The following OXR1 variants were observed in gnomAD, a reference collection of about 807,000 sequenced individuals.
OXR1 encodes oxidation resistance 1.
A neutral mutation model predicts 104.6 loss-of-function variants in OXR1; 41 were observed. The ratio of observed to expected loss-of-function variants is 0.39; its 90% CI spans 0.31 to 0.51. The LOEUF (loss-of-function observed/expected upper bound fraction) is 0.51. Among genes scored for constraint, OXR1 ranks in the 20% least tolerant of loss-of-function variants. The pLI is 0.77. For synonymous variants in OXR1, 348 were observed against 348.4 expected, an observed-to-expected ratio of 1.00 and a Z score of 0.01; for missense variants, 955 against 1,031.9, an observed-to-expected ratio of 0.93 and a Z score of 1.02.
intron 3 of OXR1, among the ~76,000 whole-genome samples, chr8:106,638,909 A>AC (rs1392633129): frequency 1.1e-3 from 130 of 113,330 alleles, no homozygotes; most frequent in African/African-American, 5.3e-3. Flanking sequence ...AAAAAAAAAA[A>AC]CCTATAAAAC....
intron 2 of OXR1, chr8:106,448,163 C>A (rs1820106197): frequency 1.6e-6 from 2 of 1,274,010 alleles, no homozygotes; most frequent in African/African-American, 3.0e-5. Context: ...GAAATCAAAT[C>A]TTTGTGTTTA....
intron 6 of OXR1, among the ~76,000 whole-genome samples, chr8:106,691,679 G>A (rs542067421): frequency 1.3e-5 from 2 of 148,778 alleles, no homozygotes; most frequent in Non-Finnish European, 3.0e-5. Flanking sequence ...TGACTAATGC[G>A]GTTAACTCAG....
At chr8:106,673,973 T>C (rs560418970) in intron 3 of OXR1, among the ~76,000 whole-genome samples, 1 of 152,346 alleles carries the variant, frequency 6.6e-6, no homozygotes, top group East Asian at 1.9e-4. Flanking sequence ...TGGAGCCCTC[T>C]TGGAGAACCT....
rs181923435 is a variant in OXR1 at position 106,289,333 on chromosome 8, A to G, written c.-139+18966A>G. Among the ~76,000 whole-genome samples, 4 of 152,354 alleles carry G rather than the reference A, an allele frequency of 2.6e-5. No homozygotes were observed. The East Asian group carries it at 5.8e-4, about 22-fold the overall frequency. On this transcript the variant is annotated intron_variant, in intron 1 of 16. Coordinates refer to ENST00000517566, the MANE Select transcript of OXR1 (RefSeq NM_001198533.2). The stretch of plus-strand genomic sequence containing the variant: ...AATAAGTTTTCAGTATACAAAATCA[A>G]TGTATAAAAATCAGTAACATTTGTA...
At chr8:106,410,723 C>A (rs965868788) in intron 2 of OXR1, among the ~76,000 whole-genome samples, 1 of 152,012 alleles carries the variant, frequency 6.6e-6, no homozygotes, top group Non-Finnish European at 1.5e-5. Context: ...GGTTGACTTA[C>A]TGGTATAAGA....
At chr8:106,706,209 G>T (rs189302912) in intron 8 of OXR1, among the ~76,000 whole-genome samples, 173 bp from the exon 9 acceptor site, 262 of 152,158 alleles carry the variant, frequency 1.7e-3, no homozygotes, top group African/African-American at 6.2e-3. Flanking sequence ...GGTCTATAAG[G>T]TTAATTATTT....
intron 1 of OXR1, among the ~76,000 whole-genome samples, chr8:106,325,077 C>T (rs1814411963): frequency 6.6e-6 from 1 of 152,132 alleles, no homozygotes; most frequent in African/African-American, 2.4e-5. Flanking sequence ...AAGTGGATAG[C>T]AGGACCTTTA....
intron 9 of OXR1, 43 bp from the exon 10 acceptor site, chr8:106,710,579 G>A (rs751297203): frequency 7.5e-7 from 1 of 1,329,260 alleles, no homozygotes; most frequent in Non-Finnish European, 1.0e-6. Flanking sequence ...CCTAAACTTG[G>A]TGTGTGAGAA....
chr8:106,398,952 C>T (rs1172890156), intron 2 of OXR1, among the ~76,000 whole-genome samples: 2 of 152,028 alleles, frequency 1.3e-5, no homozygotes, highest in African/African-American at 4.8e-5. Flanking sequence ...TCTCATCTTC[C>T]CTAAAATTTC....
At chr8:106,323,235 A>C (rs1231883027) in intron 1 of OXR1, among the ~76,000 whole-genome samples, 1 of 152,190 alleles carries the variant, frequency 6.6e-6, no homozygotes. Flanking sequence ...AAGTCTGCAC[A>C]TCTACGACCA....
chr8:106,308,324 G>A (rs1222332613), intron 1 of OXR1, among the ~76,000 whole-genome samples: 1 of 152,132 alleles, frequency 6.6e-6, no homozygotes, highest in Non-Finnish European at 1.5e-5. Context: ...TGATTGGAGG[G>A]TGACTGCGCA....
At chr8:106,399,951 A>T (rs901899446) in intron 2 of OXR1, among the ~76,000 whole-genome samples, 8 of 152,162 alleles carry the variant, frequency 5.3e-5, no homozygotes, top group African/African-American at 1.7e-4. Context: ...CTGATTAATT[A>T]AAGAAAACTT....
At chr8:106,286,653 A>G (rs1455893125) in intron 1 of OXR1, among the ~76,000 whole-genome samples, 1 of 151,428 alleles carries the variant, frequency 6.6e-6, no homozygotes, top group Non-Finnish European at 1.5e-5. Flanking sequence ...ATATACAGAA[A>G]TGAGAGACTT....
intron 3 of OXR1, among the ~76,000 whole-genome samples, chr8:106,581,998 T>C (rs1443875113): frequency 1.7e-5 from 2 of 117,090 alleles, no homozygotes; most frequent in Non-Finnish European, 3.2e-5. Flanking sequence ...CACCACAGCC[T>C]GGGCAACAGA....
chr8:106,346,232 C>G (rs1175460372), intron 1 of OXR1, among the ~76,000 whole-genome samples: 13 of 152,002 alleles, frequency 8.6e-5, no homozygotes, highest in Non-Finnish European at 1.8e-4. Context: ...TGAAAAAGAG[C>G]TAGAATATTA....
intron 3 of OXR1, chr8:106,581,249 GAAGT>G (rs1195395148): frequency 1.2e-5 from 16 of 1,287,508 alleles, no homozygotes; most frequent in Non-Finnish European, 1.5e-5. Flanking sequence ...ATGAAGCTGA[GAAGT>G]AAGTTTCTGA....
intron 2 of OXR1, among the ~76,000 whole-genome samples, chr8:106,379,073 T>G (rs1817024191): frequency 6.6e-6 from 1 of 152,176 alleles, no homozygotes; most frequent in Non-Finnish European, 1.5e-5. Flanking sequence ...AGTTGATTAG[T>G]ATAGCATAAG....
intron 1 of OXR1, among the ~76,000 whole-genome samples, chr8:106,319,870 A>C (rs1259401826): frequency 6.6e-6 from 1 of 152,214 alleles, no homozygotes. Context: ...GCAGGTCAGC[A>C]GTACTTTTTG....
intron 11 of OXR1, 66 bp from the exon 12 acceptor site, chr8:106,737,454 T>TC: frequency 2.7e-6 from 1 of 373,574 alleles, no homozygotes; most frequent in African/African-American, 2.2e-5. Context: ...TTTTTTTTTT[T>TC]TTTTTTTTTT....
Sources: gnomAD v4.1 joint callset for allele counts (sites outside exome capture counted in the v4.1 genomes callset) on GRCh38, gnomAD v4.1.1 for gene constraint, MANE v1.5 for transcripts, NCBI Gene and HGNC (gene_info 2026-07-23, HGNC 2026-07-21) for gene names.